Variants in TTC17 observed in about 807,000 individuals in gnomAD.
TTC17 encodes the protein tetratricopeptide repeat protein 17.
Under a neutral mutation model 143.8 loss-of-function variants are expected in TTC17, and 58 were observed. The ratio of observed to expected loss-of-function variants is 0.40; its 90% CI spans 0.33 to 0.50. The LOEUF (loss-of-function observed/expected upper bound fraction) is 0.50, where lower values mean the gene tolerates loss of function less well. Ranked by LOEUF, TTC17 falls within the 20% of genes least tolerant of loss-of-function variation. TTC17 has a pLI of 0.49. For synonymous variants in TTC17, 501 were observed against 497.8 expected (o/e 1.01, Z -0.09); for missense variants, 1,273 against 1,392.5 (o/e 0.91, Z 1.37).
At chr11:43,461,390 CAAAAAAAAAAAAAAA>C (rs750240102) in intron 21 of TTC17, among the ~76,000 whole-genome samples, 1 of 36,038 alleles carries the variant, frequency 2.8e-5, no homozygotes, top group Admixed American at 3.5e-4. Context: ...AACTCCGTCT[CAAAAAAAAAAAAAAA>C]AAAAAAAAAA....
intron 15 of TTC17, among the ~76,000 whole-genome samples, chr11:43,408,687 C>G (rs1290187181): frequency 6.6e-6 from 1 of 152,028 alleles, no homozygotes; most frequent in Non-Finnish European, 1.5e-5. Flanking sequence ...TACCATGGTG[C>G]TACAATAAGA....
At chr11:43,483,390 A>G (rs1313912894) in intron 21 of TTC17, among the ~76,000 whole-genome samples, 1 of 152,032 alleles carries the variant, frequency 6.6e-6, no homozygotes, top group African/African-American at 2.4e-5. Flanking sequence ...AATAATATAT[A>G]TTTATATATG....
intron 15 of TTC17, among the ~76,000 whole-genome samples, chr11:43,412,414 G>A (rs1858457476): frequency 6.6e-6 from 1 of 152,112 alleles, no homozygotes; most frequent in Non-Finnish European, 1.5e-5. Context: ...CTTGAGCCCA[G>A]GAGTTCCAGA....
chr11:43,418,285 T>A (rs971781152), intron 16 of TTC17, among the ~76,000 whole-genome samples: 1 of 152,216 alleles, frequency 6.6e-6, no homozygotes, highest in South Asian at 2.1e-4. Flanking sequence ...CTCTTTTGAA[T>A]AAAATTTCAT....
At position 43,436,451 on chromosome 11, in the gene TTC17, A is replaced by T. The variant is rs569050414; in HGVS notation, c.2252-6874A>T. 9.0e-4 allele frequency: 869 copies of T among 970,558 alleles called. 3 individuals carry two copies. Among genetic ancestry groups the T allele is most frequent in the Non-Finnish European group, 1.1e-3 (815 of 747,280 alleles). 60.1% of individuals were successfully genotyped at this position (970,558 alleles called of 1,614,324 possible). On this transcript the variant is annotated intron_variant, in intron 16 of 23. Coordinates refer to ENST00000039989, the MANE Select transcript of TTC17 (RefSeq NM_018259.6). ...TCTTCTTTAACAATCATTATATTGT[A>T]GCATCATGAGGGTGACCCCTAGGTG...
At chr11:43,428,017 T>TA (rs1947069676) in intron 16 of TTC17, among the ~76,000 whole-genome samples, 1 of 152,184 alleles carries the variant, frequency 6.6e-6, no homozygotes, top group African/African-American at 2.4e-5. Context: ...CATAAGTAGA[T>TA]ACAAATCTCC....
chr11:43,382,554 AGG>A (rs1412440360), intron 2 of TTC17, among the ~76,000 whole-genome samples: 4 of 152,250 alleles, frequency 2.6e-5, no homozygotes, highest in African/African-American at 9.6e-5. Flanking sequence ...TAAAAACTTA[AGG>A]ATGTTGCTTG....
chr11:43,487,032 G>A (rs1207237529), intron 21 of TTC17, among the ~76,000 whole-genome samples: 1 of 152,160 alleles, frequency 6.6e-6, no homozygotes, highest in Non-Finnish European at 1.5e-5. Flanking sequence ...CTGGGAGACA[G>A]AGCAAGAGCT....
intron 10 of TTC17, 181 bp downstream of exon 10, chr11:43,401,739 G>C (rs1037763860): frequency 1.2e-5 from 6 of 486,068 alleles, no homozygotes; most frequent in Non-Finnish European, 1.1e-5. Flanking sequence ...AGCACTTAGG[G>C]AGGCAGAGGC....
intron 16 of TTC17, chr11:43,436,063 A>G: frequency 9.6e-7 from 1 of 1,043,484 alleles, no homozygotes; most frequent in Non-Finnish European, 1.2e-6. Context: ...AAAAACCGGC[A>G]TTGTCACATT....
At chr11:43,433,820 A>G (rs1487925700) in intron 16 of TTC17, among the ~76,000 whole-genome samples, 2 of 152,152 alleles carry the variant, frequency 1.3e-5, no homozygotes, top group Non-Finnish European at 2.9e-5. Context: ...TTTACACAAC[A>G]TGTATCAATG....
At chr11:43,407,082 T>C in intron 13 of TTC17, 56 bp from the exon 14 acceptor site, 1 of 1,274,238 alleles carries the variant, frequency 7.8e-7, no homozygotes. Context: ...AGAAATTCTT[T>C]TCAAATGTCT....
intron 1 of TTC17, among the ~76,000 whole-genome samples, chr11:43,359,573 A>G (rs1329894299): frequency 1.3e-5 from 2 of 152,256 alleles, no homozygotes; most frequent in South Asian, 2.1e-4. Context: ...CCTGTGGACC[A>G]TTCGTGCTGC....
At chr11:43,481,786 G>A (rs1473828174) in intron 21 of TTC17, among the ~76,000 whole-genome samples, 1 of 151,954 alleles carries the variant, frequency 6.6e-6, no homozygotes, top group African/African-American at 2.4e-5. Flanking sequence ...CTCGCTAGAA[G>A]TTTATGAATT....
chr11:43,386,331 G>A (rs1448814509), intron 2 of TTC17, among the ~76,000 whole-genome samples: 5 of 152,208 alleles, frequency 3.3e-5, no homozygotes, highest in Non-Finnish European at 5.9e-5. Flanking sequence ...ATCATAGAGT[G>A]TACTTACACA....
intron 7 of TTC17, 85 bp from the exon 8 acceptor site, chr11:43,397,889 C>G (rs975276854): frequency 2.0e-6 from 3 of 1,522,640 alleles, no homozygotes; most frequent in Non-Finnish European, 2.7e-6. Flanking sequence ...CCGTGGCTAA[C>G]ATTTTTTTTT....
intron 22 of TTC17, chr11:43,490,949 TAC>T (rs1401737342): frequency 7.3e-6 from 1 of 137,478 alleles, no homozygotes; most frequent in African/African-American, 2.7e-5. Flanking sequence ...GATGAGAAAA[TAC>T]AGTGTTTTAT....
intron 16 of TTC17, among the ~76,000 whole-genome samples, chr11:43,420,701 T>G (rs1289879030): frequency 6.6e-6 from 1 of 152,192 alleles, no homozygotes; most frequent in Non-Finnish European, 1.5e-5. Context: ...TGATGACCAA[T>G]GGTTTTATAC....
chr11:43,421,776 G>T (rs1946910933), intron 16 of TTC17, among the ~76,000 whole-genome samples: 1 of 150,404 alleles, frequency 6.6e-6, no homozygotes, highest in Non-Finnish European at 1.5e-5. Flanking sequence ...TTCATCATAT[G>T]TTATAATGTA....
Sources: gnomAD v4.1 joint callset for allele counts (sites outside exome capture counted in the v4.1 genomes callset) on GRCh38, gnomAD v4.1.1 for gene constraint, MANE v1.5 for transcripts, NCBI Gene and HGNC (gene_info 2026-07-23, HGNC 2026-07-21) for gene names.